FUT8: variants seen among roughly 807,000 people sequenced by gnomAD.
FUT8 encodes the protein alpha-(1,6)-fucosyltransferase.
In FUT8, 29 loss-of-function variants were observed where a neutral mutation model predicts 71.3. That is an observed-to-expected ratio of 0.41 (90% CI 0.30 to 0.55). The LOEUF is 0.55. Among genes scored for constraint, FUT8 ranks in the 20% least tolerant of loss-of-function variants. FUT8 has a pLI of 0.34. For synonymous variants in FUT8, 254 were observed against 239.3 expected, an observed-to-expected ratio of 1.06 and a Z score of -0.57; for missense variants, 544 against 702.1, an observed-to-expected ratio of 0.77 and a Z score of 2.55.
At chr14:65,573,717 C>T (rs557805592) in intron 3 of FUT8, among the ~76,000 whole-genome samples, 1 of 145,752 alleles carries the variant, frequency 6.9e-6, no homozygotes, top group Non-Finnish European at 1.5e-5. Flanking sequence ...CTGGGCAACA[C>T]AGTGAGACCC....
chr14:65,716,709 A>T (rs1047243634), intron 7 of FUT8, among the ~76,000 whole-genome samples: 2 of 149,526 alleles, frequency 1.3e-5, no homozygotes, highest in Non-Finnish European at 3.0e-5. Flanking sequence ...CAAAACCACC[A>T]TCATCATCAT....
intron 1 of FUT8, among the ~76,000 whole-genome samples, chr14:65,455,285 C>T (rs1047442223): frequency 6.6e-6 from 1 of 152,132 alleles, no homozygotes; most frequent in Non-Finnish European, 1.5e-5. Flanking sequence ...AAAAGAGGTA[C>T]ACTTCTGAAT....
chr14:65,570,926 G>A (rs548243713), intron 3 of FUT8, among the ~76,000 whole-genome samples: 3 of 152,148 alleles, frequency 2.0e-5, no homozygotes, highest in Admixed American at 2.0e-4. Flanking sequence ...TTCACACACT[G>A]CTGAGCATTC....
rs74056784 is a variant in FUT8, at chr14:65,462,120, T to C, written c.-228+6402T>C. On this transcript the variant is annotated intron_variant, in intron 2 of 10. Coordinates refer to ENST00000673929, the MANE Select transcript of FUT8 (RefSeq NM_001371533.1). The stretch of plus-strand genomic sequence containing the variant: ...GTTCTCACATTCTGAAGTTTTATAA[T>C]GTTGAGTGGCTGCTACATACTGTAT... Among the ~76,000 whole-genome samples the C allele has an allele frequency of 7.8e-3, 1,183 of 152,296 alleles. 9 individuals carry two copies. The highest frequency in any genetic ancestry group is 0.024 in the African/African-American group (987 of 41,566).
At chr14:65,505,496 T>A (rs1246083261) in intron 2 of FUT8, among the ~76,000 whole-genome samples, 6 of 151,858 alleles carry the variant, frequency 4.0e-5, no homozygotes, top group Non-Finnish European at 8.8e-5. Flanking sequence ...GTATTTTTAG[T>A]AGAGACGGGG....
intron 2 of FUT8, among the ~76,000 whole-genome samples, chr14:65,495,984 A>T (rs572222776): frequency 6.6e-6 from 1 of 152,282 alleles, no homozygotes; most frequent in Non-Finnish European, 1.5e-5. Context: ...ATAAATTTAG[A>T]CACAAAAAAT....
At chr14:65,439,421 G>C (rs1182700374) in intron 1 of FUT8, among the ~76,000 whole-genome samples, 1 of 152,118 alleles carries the variant, frequency 6.6e-6, no homozygotes, top group Non-Finnish European at 1.5e-5. Flanking sequence ...AGAATATTTT[G>C]TTTAGTAACT....
At chr14:65,369,862 T>C in the FUT8 span, among the ~76,000 whole-genome samples, 7 of 152,330 alleles carry the variant, frequency 4.6e-5, no homozygotes, top group South Asian at 1.2e-3. This position sits in a 1 kb window ranked among gnomAD's most constrained non-coding sequence, Gnocchi z 4.6. Context: ...GCCACTGATC[T>C]GTCTATGGAG....
intron 1 of FUT8, among the ~76,000 whole-genome samples, chr14:65,414,729 C>A (rs2065194118): frequency 6.6e-6 from 1 of 152,076 alleles, no homozygotes; most frequent in Admixed American, 6.6e-5. Context: ...CTTTTTGCTG[C>A]CTTATAAATT....
the FUT8 span, among the ~76,000 whole-genome samples, chr14:65,359,395 C>T: frequency 6.6e-6 from 1 of 152,168 alleles, no homozygotes; most frequent in South Asian, 2.1e-4. Flanking sequence ...AGTTCAGTGG[C>T]GTTAAGTACA....
intron 7 of FUT8, among the ~76,000 whole-genome samples, chr14:65,686,836 T>C (rs1893311449): frequency 6.6e-6 from 1 of 152,198 alleles, no homozygotes; most frequent in African/African-American, 2.4e-5. Context: ...AGAAAATCCT[T>C]AGTTACAAAC....
At chr14:65,617,333 AGCATGGATTTCAAGGG>A in intron 5 of FUT8, 2 of 967,480 alleles carry the variant, frequency 2.1e-6, no homozygotes, top group Middle Eastern at 3.4e-4. Flanking sequence ...GAAATATGAT[AGCATGGATTTCAAGGG>A]GCAGTGAATT....
chr14:65,443,351 A>G (rs2065689867), intron 1 of FUT8, among the ~76,000 whole-genome samples: 1 of 151,042 alleles, frequency 6.6e-6, no homozygotes, highest in African/African-American at 2.4e-5. Context: ...TGGAGCTTGC[A>G]GTGAGCCGAG....
chr14:65,727,243 G>A (rs1342390170), intron 9 of FUT8, among the ~76,000 whole-genome samples: 2 of 152,172 alleles, frequency 1.3e-5, no homozygotes, highest in Non-Finnish European at 2.9e-5. Flanking sequence ...TCCCAGTAGG[G>A]ACTCTGTGTG....
intron 2 of FUT8, among the ~76,000 whole-genome samples, chr14:65,474,392 C>A (rs548218308): frequency 5.1e-4 from 71 of 139,776 alleles, no homozygotes; most frequent in Admixed American, 1.5e-3. Context: ...CACTTGAGGT[C>A]AGGAGTTCGG....
In FUT8 at chr14:65,742,109, A is replaced by T. The variant is rs765975351; in HGVS notation, c.1427A>T (p.Tyr476Phe). The T allele has an allele frequency of 9.9e-6, 16 of 1,611,506 alleles. No individual in the cohort carries two copies. Among genetic ancestry groups the T allele is most frequent in the Non-Finnish European group, 1.4e-5 (16 of 1,178,164 alleles). The change falls in exon 11 of 11, where the codon TAT (tyrosine) becomes TTT (phenylalanine). Residue 476 changes from tyrosine to phenylalanine, a missense_variant. Coordinates refer to ENST00000673929, the MANE Select transcript of FUT8 (RefSeq NM_001371533.1). ...TTTCCCAAGGTCTGTCGAGTTGCTT[A>T]TGAAATTATGCAAACACTACATCCT... ...TFSSQVCRVA[Y>F]EIMQTLHPDA...
intron 3 of FUT8, among the ~76,000 whole-genome samples, chr14:65,578,095 A>G (rs1398619746): frequency 1.3e-5 from 2 of 152,132 alleles, no homozygotes; most frequent in Non-Finnish European, 2.9e-5. Context: ...TTTCTCCCGT[A>G]TATAAATGCT....
At chr14:65,718,696 T>G (rs1480998158) in intron 7 of FUT8, among the ~76,000 whole-genome samples, 1 of 152,202 alleles carries the variant, frequency 6.6e-6, no homozygotes, top group African/African-American at 2.4e-5. Context: ...TGGGAAAGTC[T>G]TTATTTCTTC....
chr14:65,439,954 G>GTGTGTACGTATA, intron 1 of FUT8, among the ~76,000 whole-genome samples: 5 of 74,984 alleles, frequency 6.7e-5, no homozygotes, highest in Non-Finnish European at 1.2e-4. Context: ...GTGTGTGTGT[G>GTGTGTACGTATA]TATATATATA....
Sources: allele counts gnomAD v4.1 joint callset (sites outside exome capture counted in the v4.1 genomes callset), GRCh38; gene constraint gnomAD v4.1.1; non-coding constraint Gnocchi (gnomAD v3.1); transcripts MANE v1.5; gene names NCBI Gene and HGNC (gene_info 2026-07-23, HGNC 2026-07-21).